Variants in CHRNA7 observed in about 807,000 individuals in gnomAD.
CHRNA7 encodes cholinergic receptor nicotinic alpha 7 subunit.
A neutral mutation model predicts 48.0 loss-of-function variants in CHRNA7; 17 were observed. The ratio of observed to expected loss-of-function variants is 0.35; its 90% CI spans 0.24 to 0.53. CHRNA7 has a LOEUF of 0.53. Ranked by LOEUF, CHRNA7 falls within the 20% of genes least tolerant of loss-of-function variation. CHRNA7 has a pLI of 0.92. For synonymous variants in CHRNA7, 75 were observed against 242.3 expected (o/e 0.31, Z 6.41); for missense variants, 155 against 577.7 (o/e 0.27, Z 7.50).
At chr15:32,103,279 G>C (rs1595449031) in intron 3 of CHRNA7, 1 of 152,264 alleles carries the variant, frequency 6.6e-6, no homozygotes, top group East Asian at 1.9e-4. Context: ...GTGTGGTGGT[G>C]CACACCTGTA....
At chr15:32,158,288 CCTTT>C (rs1289619034) in intron 6 of CHRNA7, 120 bp from the exon 7 acceptor site, 71 of 743,498 alleles carry the variant, frequency 9.5e-5, no homozygotes, top group South Asian at 6.8e-4. Flanking sequence ...ACAACCCCCC[CCTTT>C]TTTTTTTTTA....
chr15:32,042,453 T>C (rs76336281), intron 2 of CHRNA7, among the ~76,000 whole-genome samples: 4,120 of 152,304 alleles, frequency 0.027, 86 homozygotes, highest in Middle Eastern at 0.044. Flanking sequence ...GGTGGAAGGA[T>C]GAGGGAACAT....
chr15:32,144,317 C>T (rs143020264), intron 4 of CHRNA7, among the ~76,000 whole-genome samples: 7,007 of 152,264 alleles, frequency 0.046, 204 homozygotes, highest in Middle Eastern at 0.075. Context: ...TTGTGGGTAA[C>T]CCGACTTTTC....
rs138322217 is a variant in CHRNA7 at position 32,104,722 on chromosome 15, G to A, written c.240+3375G>A. On this transcript the variant is annotated intron_variant, in intron 3 of 9. Coordinates refer to ENST00000306901, the MANE Select transcript of CHRNA7 (RefSeq NM_000746.6). ...GTGAACCTTGAGGTGCTTGGGTAGC[G>A]TGACACAACATAAAGCCATCTCCTG... is the stretch of plus-strand genomic sequence containing the variant. 9.2e-5 allele frequency among the ~76,000 whole-genome samples: 14 copies of A among 152,252 alleles called. No individual in the cohort carries two copies. The East Asian group carries it at 2.1e-3, about 23-fold the overall frequency.
At chr15:32,060,237 G>T (rs2049857238) in intron 2 of CHRNA7, among the ~76,000 whole-genome samples, 1 of 152,086 alleles carries the variant, frequency 6.6e-6, no homozygotes, top group East Asian at 1.9e-4. Flanking sequence ...AGGAGTGAGG[G>T]TAGTGTATTT....
chr15:32,077,143 T>C (rs2050147765), intron 2 of CHRNA7, among the ~76,000 whole-genome samples: 1 of 152,030 alleles, frequency 6.6e-6, no homozygotes, highest in Non-Finnish European at 1.5e-5. Flanking sequence ...TTTTTTTTTT[T>C]AGTGTTGAAT....
At chr15:32,040,433 C>G (rs2049427054) in intron 2 of CHRNA7, among the ~76,000 whole-genome samples, 1 of 151,432 alleles carries the variant, frequency 6.6e-6, no homozygotes, top group Admixed American at 6.6e-5. Flanking sequence ...AGTGGTTGCC[C>G]TAGAGTTTGC....
chr15:32,056,782 T>A (rs775073985), intron 2 of CHRNA7, among the ~76,000 whole-genome samples: 7 of 152,240 alleles, frequency 4.6e-5, no homozygotes, highest in Non-Finnish European at 8.8e-5. Context: ...AAATATCAAA[T>A]TCTCTGGACC....
intron 2 of CHRNA7, among the ~76,000 whole-genome samples, chr15:32,052,789 G>A (rs1243898859): frequency 6.6e-6 from 1 of 152,002 alleles, no homozygotes. Flanking sequence ...TTAGATAGAA[G>A]GAATAAGTTC....
chr15:32,110,472 G>A (rs2050745046), intron 3 of CHRNA7, among the ~76,000 whole-genome samples: 2 of 152,200 alleles, frequency 1.3e-5, no homozygotes, highest in African/African-American at 4.8e-5. Flanking sequence ...GTCCCTGGCT[G>A]CAAAATGATG....
At chr15:32,065,911 C>T (rs148117639) in intron 2 of CHRNA7, among the ~76,000 whole-genome samples, 1,681 of 127,764 alleles carry the variant, frequency 0.013, 9 homozygotes, top group Admixed American at 0.029. Flanking sequence ...CAACACAGCC[C>T]ACTGCGAACA....
chr15:32,084,866 C>G (rs1487978323), intron 2 of CHRNA7, among the ~76,000 whole-genome samples: 1 of 147,352 alleles, frequency 6.8e-6, no homozygotes, highest in African/African-American at 2.5e-5. Flanking sequence ...GAATTCTGCT[C>G]TTGTGGCCCA....
At chr15:32,066,849 C>G (rs1471408338) in intron 2 of CHRNA7, among the ~76,000 whole-genome samples, 1 of 151,908 alleles carries the variant, frequency 6.6e-6, no homozygotes, top group Non-Finnish European at 1.5e-5. Flanking sequence ...GATGCATAGA[C>G]ATAAAAAATT....
chr15:32,061,142 T>C (rs2049872366), intron 2 of CHRNA7, among the ~76,000 whole-genome samples: 1 of 152,222 alleles, frequency 6.6e-6, no homozygotes, highest in Non-Finnish European at 1.5e-5. Context: ...GCTGGCCAGA[T>C]TCATGGTGCT....
intron 7 of CHRNA7, chr15:32,159,217 TC>T (rs201093594): frequency 0.15 from 23,264 of 155,546 alleles, 1,902 homozygotes; most frequent in East Asian, 0.3. Flanking sequence ...AAATCAGGTC[TC>T]CTGACTGCAT....
chr15:32,065,655 T>G (rs1041136063), intron 2 of CHRNA7, among the ~76,000 whole-genome samples: 1 of 152,256 alleles, frequency 6.6e-6, no homozygotes, highest in African/African-American at 2.4e-5. Flanking sequence ...CTCTCACCTC[T>G]GACTGACCTT....
chr15:32,151,154 T>C (rs570757717), intron 4 of CHRNA7, among the ~76,000 whole-genome samples: 28 of 152,260 alleles, frequency 1.8e-4, no homozygotes, highest in African/African-American at 6.3e-4. Flanking sequence ...TTTCTTATTA[T>C]AAGAATGTTT....
chr15:32,165,842 A>AAGTT, intron 9 of CHRNA7: 1 of 151,778 alleles, frequency 6.6e-6, no homozygotes, highest in South Asian at 2.1e-4. Context: ...TTGGCTTTGA[A>AAGTT]AGTTAATGAT....
chr15:32,165,029 T>TC (rs2052022354), intron 9 of CHRNA7, among the ~76,000 whole-genome samples: 2 of 107,704 alleles, frequency 1.9e-5, no homozygotes, highest in Non-Finnish European at 3.9e-5. Context: ...ATCACTACAT[T>TC]CCCTGAGGCT....
Sources: allele counts gnomAD v4.1 joint callset (sites outside exome capture counted in the v4.1 genomes callset), GRCh38; gene constraint gnomAD v4.1.1; transcripts MANE v1.5; gene names NCBI Gene and HGNC (gene_info 2026-07-23, HGNC 2026-07-21).